MARCHF4: variants seen among roughly 807,000 people sequenced by gnomAD.
MARCHF4 encodes E3 ubiquitin-protein ligase MARCHF4.
In MARCHF4, 14 loss-of-function variants were observed where a neutral mutation model predicts 43.9. The ratio of observed to expected loss-of-function variants is 0.32; its 90% CI spans 0.21 to 0.50. MARCHF4 has a LOEUF of 0.50. Among genes scored for constraint, MARCHF4 ranks in the 20% least tolerant of loss-of-function variants. The pLI, the probability that MARCHF4 is intolerant of heterozygous loss-of-function variation, is 0.98. For synonymous variants in MARCHF4, 226 were observed against 213.3 expected (o/e 1.06, Z -0.52); for missense variants, 468 against 536.7 (o/e 0.87, Z 1.27).
At position 216,370,097 on chromosome 2, in the gene MARCHF4, C is replaced by T. The variant is rs1255717251; in HGVS notation, c.164G>A (p.Arg55Gln). The change falls in exon 1 of 4, where the codon CGG becomes CAG. Residue 55 changes from arginine (R) to glutamine (Q), a missense_variant. Coordinates refer to ENST00000273067, the MANE Select transcript of MARCHF4 (RefSeq NM_020814.3). ...LFNDLKVFLL[R>Q]RPPQAPLPMH... The stretch of plus-strand genomic sequence containing the variant: ...GGGCAGGGGCGCTTGAGGAGGGCGC[C>T]GCAGTAAGAAAACCTTCAGGTCATT... 3 of 1,587,940 alleles carry T rather than the reference C, an allele frequency of 1.9e-6. No individual in the cohort carries two copies. The highest frequency in any genetic ancestry group is 2.6e-6 in the Non-Finnish European group (3 of 1,167,526).
chr2:216,269,037 A>C (rs966367634), intron 3 of MARCHF4, among the ~76,000 whole-genome samples: 1 of 152,206 alleles, frequency 6.6e-6, no homozygotes, highest in Non-Finnish European at 1.5e-5. Context: ...AAGCTTAAAA[A>C]AAAACAAAAC....
At chr2:216,319,877 G>T (rs768013102) in intron 1 of MARCHF4, among the ~76,000 whole-genome samples, 1 of 152,120 alleles carries the variant, frequency 6.6e-6, no homozygotes, top group Admixed American at 6.6e-5. Context: ...ACCCCCAACT[G>T]CTTGGCCTGC....
chr2:216,344,281 A>G (rs1692279971), intron 1 of MARCHF4, among the ~76,000 whole-genome samples: 1 of 152,150 alleles, frequency 6.6e-6, no homozygotes, highest in South Asian at 2.1e-4. Context: ...ACATGTGACA[A>G]TACTTGCTCT....
chr2:216,270,261 A>G (rs1690914594), intron 3 of MARCHF4, among the ~76,000 whole-genome samples: 1 of 152,108 alleles, frequency 6.6e-6, no homozygotes. Context: ...ATTTTTGTAG[A>G]GATGAGGACT....
At chr2:216,299,931 G>C (rs1691459312) in intron 1 of MARCHF4, among the ~76,000 whole-genome samples, 1 of 152,160 alleles carries the variant, frequency 6.6e-6, no homozygotes, top group Non-Finnish European at 1.5e-5. Flanking sequence ...AGCAGGAGAG[G>C]GCAAGCACTT....
At chr2:216,340,028 G>A (rs1419596034) in intron 1 of MARCHF4, among the ~76,000 whole-genome samples, 1 of 152,056 alleles carries the variant, frequency 6.6e-6, no homozygotes, top group South Asian at 2.1e-4. Flanking sequence ...CTGGGTTGGA[G>A]AAGCTGAATT....
At chr2:216,316,906 G>A (rs1278762717) in intron 1 of MARCHF4, among the ~76,000 whole-genome samples, 1 of 152,166 alleles carries the variant, frequency 6.6e-6, no homozygotes, top group African/African-American at 2.4e-5. Flanking sequence ...CTCCAAGGGG[G>A]AATTCCTTAC....
intron 1 of MARCHF4, among the ~76,000 whole-genome samples, chr2:216,318,520 G>T (rs1044383095): frequency 1.3e-5 from 2 of 152,194 alleles, no homozygotes; most frequent in African/African-American, 2.4e-5. Flanking sequence ...TACCAGAGGG[G>T]TTCAGGGAAA....
chr2:216,282,076 TG>T (rs1205322304), intron 2 of MARCHF4, among the ~76,000 whole-genome samples: 1 of 152,172 alleles, frequency 6.6e-6, no homozygotes, highest in African/African-American at 2.4e-5. Flanking sequence ...AGACCCCTGC[TG>T]GAACCCAGAG....
intron 1 of MARCHF4, among the ~76,000 whole-genome samples, chr2:216,354,108 C>G (rs1323464414): frequency 6.6e-6 from 1 of 152,152 alleles, no homozygotes; most frequent in Admixed American, 6.5e-5. Context: ...GTCATTAGGA[C>G]CAACCACAGA....
chr2:216,267,945 G>T (rs1690871281), intron 3 of MARCHF4, among the ~76,000 whole-genome samples: 1 of 152,222 alleles, frequency 6.6e-6, no homozygotes, highest in Non-Finnish European at 1.5e-5. Flanking sequence ...CAGCCACTTG[G>T]CTGTGGAGAT....
rs1690688447 is a variant in MARCHF4 at position 216,258,521 on chromosome 2, TG to T, written c.*790del. ...TTTTCTCTAGGGGTGTGTGTGTGTG[TG>T]TGTGTGTGTGTGTGTGTGTGTGTCC... On this transcript the variant is annotated 3_prime_UTR_variant, in exon 4 of 4. Coordinates refer to ENST00000273067, the MANE Select transcript of MARCHF4 (RefSeq NM_020814.3). The T allele has an allele frequency of 3.9e-5, 6 of 153,162 alleles. No homozygotes were observed. The highest frequency in any genetic ancestry group is 1.5e-4 in the African/African-American group (6 of 41,228). The allele number at this position is 153,162 out of a possible 1,614,324, so 9.5% of individuals were successfully genotyped here.
intron 1 of MARCHF4, among the ~76,000 whole-genome samples, chr2:216,287,046 A>G (rs1046129229): frequency 3.3e-5 from 5 of 152,176 alleles, no homozygotes; most frequent in Admixed American, 2.6e-4. Flanking sequence ...CGCTGTGCTC[A>G]TCCACCTTCC....
At chr2:216,344,187 A>G (rs939694294) in intron 1 of MARCHF4, among the ~76,000 whole-genome samples, 1 of 152,124 alleles carries the variant, frequency 6.6e-6, no homozygotes, top group Non-Finnish European at 1.5e-5. Flanking sequence ...GTACAGAAAG[A>G]CAAACTAAAA....
At position 216,259,039 on chromosome 2, in the gene MARCHF4, T is replaced by G; in HGVS notation, c.*273A>C. On this transcript the variant is annotated 3_prime_UTR_variant, in exon 4 of 4. Transcript: ENST00000273067. The stretch of plus-strand genomic sequence containing the variant: ...GCCTGCAGGTGCATTGGGGCAGGGT[T>G]TTTCTGTTGGGCCAGGTTCAGCCTG... 1 of 293,132 alleles carries G rather than the reference T, an allele frequency of 3.4e-6. No individual in the cohort carries two copies. 18.2% of individuals were successfully genotyped at this position (293,132 alleles called of 1,614,324 possible).
At chr2:216,325,165 C>T (rs1331327935) in intron 1 of MARCHF4, among the ~76,000 whole-genome samples, 14 of 152,132 alleles carry the variant, frequency 9.2e-5, no homozygotes, top group Admixed American at 6.5e-4. Flanking sequence ...TTCTTATACA[C>T]CAACAAGAGA....
chr2:216,366,954 C>T (rs979094424), intron 1 of MARCHF4, among the ~76,000 whole-genome samples: 1 of 152,146 alleles, frequency 6.6e-6, no homozygotes, highest in Admixed American at 6.6e-5. Context: ...ACGCATGCAC[C>T]AATGAATGGA....
At chr2:216,328,671 A>C (rs1211968682) in intron 1 of MARCHF4, among the ~76,000 whole-genome samples, 1 of 152,222 alleles carries the variant, frequency 6.6e-6, no homozygotes, top group Non-Finnish European at 1.5e-5. Context: ...ATCTGGTATA[A>C]ATGCAATAGA....
chr2:216,350,686 C>A (rs145904836), intron 1 of MARCHF4, among the ~76,000 whole-genome samples: 38 of 152,320 alleles, frequency 2.5e-4, no homozygotes, highest in Non-Finnish European at 3.5e-4. Flanking sequence ...GTCTAGGAAG[C>A]CACTGGCCTC....
Sources: gnomAD v4.1 joint callset for allele counts (sites outside exome capture counted in the v4.1 genomes callset) on GRCh38, gnomAD v4.1.1 for gene constraint, MANE v1.5 for transcripts, NCBI Gene and HGNC (gene_info 2026-07-23, HGNC 2026-07-21) for gene names.